The following DOCK3 variants were observed in gnomAD, a reference collection of about 807,000 sequenced individuals.
DOCK3 encodes the protein dedicator of cytokinesis protein 3.
DOCK3 carries 60 observed loss-of-function variants against 265.6 expected under a neutral mutation model. The ratio of observed to expected loss-of-function variants is 0.23; its 90% CI spans 0.18 to 0.28. The LOEUF is 0.28. Ranked by LOEUF, DOCK3 falls within the 10% of genes least tolerant of loss-of-function variation. The probability of loss-of-function intolerance (pLI) is 1.00; values close to 1 mark genes in which losing one functional copy is unlikely to be tolerated. For missense variants in DOCK3, 1,981 were observed against 2,594.3 expected (o/e 0.76, Z 5.14); for synonymous variants, 881 against 938.0 (o/e 0.94, Z 1.11).
At chr3:51,349,437 A>G (rs1297834611) in intron 39 of DOCK3, among the ~76,000 whole-genome samples, 2 of 152,202 alleles carry the variant, frequency 1.3e-5, no homozygotes, top group African/African-American at 4.8e-5. Context: ...TCTGAATCAT[A>G]ATGGCTGCTG....
At chr3:51,219,277 A>G (rs1415157934) in intron 14 of DOCK3, among the ~76,000 whole-genome samples, 1 of 152,134 alleles carries the variant, frequency 6.6e-6, no homozygotes, top group Non-Finnish European at 1.5e-5. Context: ...CGCAGAGATG[A>G]AGATAGTTGG....
At chr3:51,291,659 T>C (rs1178578545) in intron 27 of DOCK3, among the ~76,000 whole-genome samples, 1 of 152,220 alleles carries the variant, frequency 6.6e-6, no homozygotes, top group East Asian at 1.9e-4. Flanking sequence ...AGTTGAATTC[T>C]GCCAGACATT....
chr3:51,380,106 G>C lies in DOCK3; in HGVS notation c.5501-19G>C, dbSNP rs782134218. ...GTGCAGGGCCCCCAGCTGAGGCTCT[G>C]GTTCTGTTCCCTTTGCAGGTCATTA... On this transcript the variant is annotated intron_variant, in intron 51 of 52. Coordinates refer to ENST00000266037, the MANE Select transcript of DOCK3 (RefSeq NM_004947.5). 5 of 1,610,290 alleles carry C rather than the reference G, an allele frequency of 3.1e-6. No individual in the cohort carries two copies. Among genetic ancestry groups the C allele is most frequent in the African/African-American group, 1.3e-5 (1 of 74,880 alleles).
At chr3:50,992,249 C>T (rs1002777596) in intron 5 of DOCK3, among the ~76,000 whole-genome samples, 1 of 152,188 alleles carries the variant, frequency 6.6e-6, no homozygotes, top group Non-Finnish European at 1.5e-5. Flanking sequence ...CAGAACTGAA[C>T]TGAAGGAAAT....
chr3:50,725,267 C>G (rs2037744262), intron 1 of DOCK3, among the ~76,000 whole-genome samples: 1 of 152,098 alleles, frequency 6.6e-6, no homozygotes, highest in African/African-American at 2.4e-5. Flanking sequence ...AAATAAGGTT[C>G]TCATGTTGTT....
chr3:51,367,765 G>C (rs1170788344), intron 49 of DOCK3, among the ~76,000 whole-genome samples: 1 of 152,160 alleles, frequency 6.6e-6, no homozygotes, highest in Non-Finnish European at 1.5e-5. Context: ...AGTTTGGCTG[G>C]ATATGAAATT....
chr3:51,073,914 A>G (rs938240802), intron 6 of DOCK3, among the ~76,000 whole-genome samples: 2 of 152,174 alleles, frequency 1.3e-5, no homozygotes, highest in African/African-American at 4.8e-5. Context: ...TATTTTATCA[A>G]TCTTACTGCA....
intron 5 of DOCK3, among the ~76,000 whole-genome samples, chr3:51,048,268 G>A (rs2080852418): frequency 6.6e-6 from 1 of 152,074 alleles, no homozygotes; most frequent in Non-Finnish European, 1.5e-5. Flanking sequence ...CAGCCTCACA[G>A]CTTATATCAT....
intron 4 of DOCK3, among the ~76,000 whole-genome samples, chr3:50,926,900 T>G (rs1206529612): frequency 1.3e-5 from 2 of 152,236 alleles, no homozygotes; most frequent in Non-Finnish European, 2.9e-5. Context: ...TTGCAGTTTA[T>G]AGTGCAACAT....
In DOCK3 at chr3:51,041,162, GTATATATATATATATATA is replaced by G. The variant is rs1167854334; in HGVS notation, c.316-23260_316-23243del. Among the ~76,000 whole-genome samples, 234 of 30,852 alleles carry G rather than the reference GTATATATATATATATATA, an allele frequency of 7.6e-3. 2 individuals are homozygous for G. Among genetic ancestry groups the G allele is most frequent in the East Asian group, 0.011 (7 of 624 alleles). 20.2% of individuals were successfully genotyped at this position (30,852 alleles called of 152,430 possible). A position where few individuals can be genotyped will look rare whatever the true frequency, so the allele number is the denominator to read the frequency against. On this transcript the variant is annotated intron_variant, in intron 5 of 52. Coordinates refer to ENST00000266037, the MANE Select transcript of DOCK3 (RefSeq NM_004947.5). ...TATGGCACCTACAGCCTTACAAAATGTATATATATATATATATATATATATATATATATATATATATAT... is the reference window on the plus strand; with the variant it reads ...TATGGCACCTACAGCCTTACAAAATGTATATATATATATATATATATATAT...
intron 1 of DOCK3, among the ~76,000 whole-genome samples, chr3:50,701,539 C>T (rs1033242028): frequency 1.3e-5 from 2 of 152,150 alleles, no homozygotes; most frequent in Non-Finnish European, 2.9e-5. Flanking sequence ...TGTGTGTTGT[C>T]TCTTTACTCT....
At chr3:51,000,967 C>G (rs534321774) in intron 5 of DOCK3, among the ~76,000 whole-genome samples, 2 of 152,324 alleles carry the variant, frequency 1.3e-5, no homozygotes, top group South Asian at 2.1e-4. Context: ...CTGCCATTTT[C>G]TAACATCACC....
intron 2 of DOCK3, among the ~76,000 whole-genome samples, chr3:50,830,385 A>G (rs1287228961): frequency 1.3e-5 from 2 of 152,212 alleles, no homozygotes; most frequent in African/African-American, 4.8e-5. Context: ...CTTATCTTCT[A>G]CCTGTCTCTA....
chr3:51,078,960 A>G (rs1432090317), intron 7 of DOCK3, among the ~76,000 whole-genome samples: 4 of 152,218 alleles, frequency 2.6e-5, no homozygotes, highest in Non-Finnish European at 5.9e-5. Flanking sequence ...TAGATATGAT[A>G]AAAAACAATT....
chr3:51,273,466 G>A (rs763807942), intron 24 of DOCK3, among the ~76,000 whole-genome samples: 1 of 152,194 alleles, frequency 6.6e-6, no homozygotes, highest in Non-Finnish European at 1.5e-5. Flanking sequence ...TATTCTCAAA[G>A]TATAAGTTTG....
At chr3:50,685,624 G>T in intron 1 of DOCK3, 1 of 169,538 alleles carries the variant, frequency 5.9e-6, no homozygotes. Flanking sequence ...CACCATTATG[G>T]CATGTTAAGT....
At chr3:51,149,961 G>A (rs912812415) in intron 10 of DOCK3, among the ~76,000 whole-genome samples, 7 of 152,132 alleles carry the variant, frequency 4.6e-5, no homozygotes, top group Non-Finnish European at 7.4e-5. Flanking sequence ...CTGTGAACCC[G>A]TCAGTCCTGG....
intron 21 of DOCK3, among the ~76,000 whole-genome samples, chr3:51,238,119 CTTTTTTTTTTTTTTTTTTTTT>C (rs747331452): frequency 4.2e-5 from 2 of 47,438 alleles, no homozygotes; most frequent in African/African-American, 1.7e-4. Flanking sequence ...ATATTTACCA[CTTTTTTTTTTTTTTTTTTTTT>C]TTTTTTTTTT....
intron 27 of DOCK3, among the ~76,000 whole-genome samples, chr3:51,297,117 C>CAAAAAAA (rs71633066): frequency 2.9e-4 from 19 of 65,900 alleles, no homozygotes; most frequent in Admixed American, 7.1e-4. Flanking sequence ...GACTCTGTCT[C>CAAAAAAA]AAAAAAAAAA....
Sources: gnomAD v4.1 joint callset for allele counts (sites outside exome capture counted in the v4.1 genomes callset) on GRCh38, gnomAD v4.1.1 for gene constraint, MANE v1.5 for transcripts, NCBI Gene and HGNC (gene_info 2026-07-23, HGNC 2026-07-21) for gene names.